The following FUCA2 variants were observed in gnomAD, a reference collection of about 807,000 sequenced individuals.
The protein encoded by FUCA2 is plasma alpha-L-fucosidase.
Under a neutral mutation model 52.6 loss-of-function variants are expected in FUCA2, and 41 were observed. The observed-to-expected ratio is 0.78, with a 90% CI of 0.61 to 1.01. The LOEUF (loss-of-function observed/expected upper bound fraction) is 1.01. FUCA2 is among the 50% of genes least tolerant of loss of function. The pLI is 0.00. For synonymous variants in FUCA2, 211 were observed against 217.3 expected (o/e 0.97, Z 0.26); for missense variants, 507 against 569.5 (o/e 0.89, Z 1.12).
rs949425760 is a variant in FUCA2 at position 143,504,478 on chromosome 6, A to C, written c.413-226T>G. 2 of 531,282 alleles carry C rather than the reference A, an allele frequency of 3.8e-6. No homozygotes were observed. Among genetic ancestry groups the C allele is most frequent in the African/African-American group, 3.8e-5 (2 of 52,578 alleles). 32.9% of individuals were successfully genotyped at this position (531,282 alleles called of 1,614,324 possible). A position where few individuals can be genotyped will look rare whatever the true frequency, so the allele number is the denominator to read the frequency against. ...GGTTTTTAAAAGCAACTTTCAGGGTATATCACTGTACGGTCTGATCTATCT... is the reference window on the plus strand; with the variant it reads ...GGTTTTTAAAAGCAACTTTCAGGGTCTATCACTGTACGGTCTGATCTATCT... On this transcript the variant is annotated intron_variant, in intron 2 of 6. Coordinates refer to ENST00000002165, the MANE Select transcript of FUCA2 (RefSeq NM_032020.5). This position sits in a 1 kb window ranked among gnomAD's most constrained non-coding sequence, Gnocchi z 4.4.
In FUCA2 at chr6:143,497,899, G is replaced by C. The variant is rs1780481088; in HGVS notation, c.1155-402C>G. The stretch of plus-strand genomic sequence containing the variant: ...GTGCCTAGTACTGTGCTCAGTGTTA[G>C]AGTTACAATAAAAAACAAAACACAC... On this transcript the variant is annotated intron_variant, in intron 5 of 6. Transcript: ENST00000002165. The surrounding 1 kb of genome is among the most constrained non-coding windows in gnomAD (Gnocchi z 5.3). 6.6e-6 allele frequency among the ~76,000 whole-genome samples: 1 copy of C among 152,152 alleles called. No homozygotes were observed. Among genetic ancestry groups the C allele is most frequent in the South Asian group, 2.1e-4 (1 of 4,832 alleles).
Position 143,499,077 on chromosome 6 carries a change from T to C in FUCA2, c.1155-1580A>G, listed in dbSNP as rs1453179051. Among the ~76,000 whole-genome samples the C allele has an allele frequency of 6.6e-6, 1 of 152,170 alleles. No homozygotes were observed. The highest frequency in any genetic ancestry group is 1.5e-5 in the Non-Finnish European group (1 of 68,038). On this transcript the variant is annotated intron_variant, in intron 5 of 6. Coordinates refer to ENST00000002165, the MANE Select transcript of FUCA2 (RefSeq NM_032020.5). This position sits in a 1 kb window ranked among gnomAD's most constrained non-coding sequence, Gnocchi z 6.0. ...AAAGACCATGGGTGGAGCTAGTTGATAGCAAAATTTTAAAACTCAGGATTT... is the reference window on the plus strand; with the variant it reads ...AAAGACCATGGGTGGAGCTAGTTGACAGCAAAATTTTAAAACTCAGGATTT...
At chr6:143,506,004 T>C (rs969251196) in intron 2 of FUCA2, 3 of 152,156 alleles carry the variant, frequency 2.0e-5, no homozygotes, top group Non-Finnish European at 4.4e-5. Context: ...GAAATCAGCA[T>C]GTTCTCAAGC....
At chr6:143,508,853 A>T (rs552212203) in intron 1 of FUCA2, among the ~76,000 whole-genome samples, 2 of 152,296 alleles carry the variant, frequency 1.3e-5, no homozygotes, top group South Asian at 2.1e-4. Flanking sequence ...TTGGGTTTAA[A>T]ATCCTTGAAG....
rs1780476155 is a variant in FUCA2, at chr6:143,497,623, G to T, written c.1155-126C>A. The T allele has an allele frequency of 3.5e-6, 2 of 565,436 alleles. No homozygotes were observed. The highest frequency in any genetic ancestry group is 6.2e-6 in the Non-Finnish European group (2 of 322,580). 35.0% of individuals were successfully genotyped at this position (565,436 alleles called of 1,614,324 possible). ...TCCACAATGTCACCACTAATAGAAG[G>T]GAAGGAAAAATAGCCTCATGGTGGT... On this transcript the variant is annotated intron_variant, in intron 5 of 6. Coordinates refer to ENST00000002165, the MANE Select transcript of FUCA2 (RefSeq NM_032020.5). This position sits in a 1 kb window ranked among gnomAD's most constrained non-coding sequence, Gnocchi z 5.3.
chr6:143,509,191 G>C lies in FUCA2; in HGVS notation c.225-1767C>G, dbSNP rs1478147806. Among the ~76,000 whole-genome samples the C allele has an allele frequency of 6.6e-6, 1 of 152,120 alleles. No homozygotes were observed. The highest frequency in any genetic ancestry group is 2.4e-5 in the African/African-American group (1 of 41,416). ...CTGAGAGATGAAAAGAGGCATTTAT[G>C]GTAAAGGTCTATCATTTATATTTGG... On this transcript the variant is annotated intron_variant, in intron 1 of 6. Coordinates refer to ENST00000002165, the MANE Select transcript of FUCA2 (RefSeq NM_032020.5). The surrounding 1 kb of genome is among the most constrained non-coding windows in gnomAD (Gnocchi z 5.4).
rs763182948 is a variant in FUCA2, at chr6:143,511,065, G to A, written c.224+346C>T. Among the ~76,000 whole-genome samples the A allele has an allele frequency of 1.2e-4, 18 of 152,200 alleles. No homozygotes were observed. Among genetic ancestry groups the A allele is most frequent in the Non-Finnish European group, 2.1e-4 (14 of 68,048 alleles). On this transcript the variant is annotated intron_variant, in intron 1 of 6. Coordinates refer to ENST00000002165, the MANE Select transcript of FUCA2 (RefSeq NM_032020.5). The surrounding 1 kb of genome is among the most constrained non-coding windows in gnomAD (Gnocchi z 6.3). The stretch of plus-strand genomic sequence containing the variant: ...GGCCATTGTGCCTGAGTCACCGCTC[G>A]TGTGATGCCCCTGCACAAACTGATG...
chr6:143,505,700 T>G (rs1389766626), intron 2 of FUCA2: 1 of 152,200 alleles, frequency 6.6e-6, no homozygotes, highest in African/African-American at 2.4e-5. Flanking sequence ...AGTGTTGATA[T>G]CTAAAGTCAT....
chr6:143,504,861 A>G lies in FUCA2; in HGVS notation c.413-609T>C, dbSNP rs1412637160. On this transcript the variant is annotated intron_variant, in intron 2 of 6. Transcript: ENST00000002165. This position sits in a 1 kb window ranked among gnomAD's most constrained non-coding sequence, Gnocchi z 4.4. Reference sequence around the variant, plus strand: ...TATTTATTTAACCAGAGGGGCAAAAAAAAACCCCTACTATTCCCAATAGTT... The same window carrying G: ...TATTTATTTAACCAGAGGGGCAAAAGAAAACCCCTACTATTCCCAATAGTT... 3 of 139,132 alleles carry G rather than the reference A, an allele frequency of 2.2e-5. No individual in the cohort carries two copies. Among genetic ancestry groups the G allele is most frequent in the Non-Finnish European group, 4.6e-5 (3 of 65,054 alleles). 8.6% of individuals were successfully genotyped at this position (139,132 alleles called of 1,614,324 possible). A position where few individuals can be genotyped will look rare whatever the true frequency, so the allele number is the denominator to read the frequency against.
rs866796659 is a variant in FUCA2, at chr6:143,511,453, C to A, written c.182G>T (p.Trp61Leu). The A allele has an allele frequency of 6.2e-7, 1 of 1,611,466 alleles. No individual in the cohort carries two copies. Among genetic ancestry groups the A allele is most frequent in the Admixed American group, 1.7e-5 (1 of 59,744 alleles). ...GAAGCTGGGCACGGAAAACACTCCC[C>A]AGTGGATGAAGATGCCGAACTTGGC... ...DQAKFGIFIH[W>L]GVFSVPSFGS... Residue 61 changes from tryptophan to leucine, a missense_variant, in exon 1 of 7, where the codon TGG (tryptophan) becomes TTG (leucine). By Grantham distance (61) the Trp-to-Leu change is moderately conservative. Transcript: ENST00000002165. The surrounding 1 kb of genome is among the most constrained non-coding windows in gnomAD (Gnocchi z 6.3).
At chr6:143,506,123 T>A (rs1780603108) in intron 2 of FUCA2, 1 of 151,706 alleles carries the variant, frequency 6.6e-6, no homozygotes, top group South Asian at 2.1e-4. Flanking sequence ...TCATTCCAGA[T>A]TTTTTGTGTT....
Position 143,501,898 on chromosome 6 carries a change from T to C in FUCA2, c.1154+34A>G. 1 of 1,554,694 alleles carries C rather than the reference T, an allele frequency of 6.4e-7. No homozygotes were observed. The highest frequency in any genetic ancestry group is 8.8e-7 in the Non-Finnish European group (1 of 1,140,498). ...CTGATAAATTTTAAATCTCTTCCTTTATAAAAGAGTACTTGGTAACAAGAA... is the reference window on the plus strand; with the variant it reads ...CTGATAAATTTTAAATCTCTTCCTTCATAAAAGAGTACTTGGTAACAAGAA... On this transcript the variant is annotated intron_variant, in intron 5 of 6. Coordinates refer to ENST00000002165, the MANE Select transcript of FUCA2 (RefSeq NM_032020.5). This position sits in a 1 kb window ranked among gnomAD's most constrained non-coding sequence, Gnocchi z 6.1.
rs150138780 is a variant in FUCA2 at position 143,507,835 on chromosome 6, AT to A, written c.225-412del. On this transcript the variant is annotated intron_variant, in intron 1 of 6. Coordinates refer to ENST00000002165, the MANE Select transcript of FUCA2 (RefSeq NM_032020.5). The surrounding 1 kb of genome is among the most constrained non-coding windows in gnomAD (Gnocchi z 4.5). ...CAGGCACGTGCCACCACACCTGGCT[AT>A]TTTTTTTTTCTTTGTAGAGATGTGG... 4.7e-5 allele frequency among the ~76,000 whole-genome samples: 7 copies of A among 149,156 alleles called. No individual in the cohort carries two copies. Among genetic ancestry groups the A allele is most frequent in the African/African-American group, 9.8e-5 (4 of 40,652 alleles).
In FUCA2 at chr6:143,501,113, C is replaced by G. The variant is rs1780521164; in HGVS notation, c.1154+819G>C. On this transcript the variant is annotated intron_variant, in intron 5 of 6. Coordinates refer to ENST00000002165, the MANE Select transcript of FUCA2 (RefSeq NM_032020.5). This position sits in a 1 kb window ranked among gnomAD's most constrained non-coding sequence, Gnocchi z 6.1. ...AGCAAATTCCAAAACCAGATTTCTA[C>G]TATTCTCTGTCACATGAGAGATTGG... Among the ~76,000 whole-genome samples the G allele has an allele frequency of 6.6e-6, 1 of 152,192 alleles. No homozygotes were observed. The highest frequency in any genetic ancestry group is 1.5e-5 in the Non-Finnish European group (1 of 68,044).
At chr6:143,508,443 C>T (rs748711246) in intron 1 of FUCA2, among the ~76,000 whole-genome samples, 3 of 152,192 alleles carry the variant, frequency 2.0e-5, no homozygotes, top group South Asian at 2.1e-4. Flanking sequence ...TTTCCCAAGA[C>T]GATCAGGAGA....
Position 143,504,215 on chromosome 6 carries a change from C to A in FUCA2, c.450G>T (p.Trp150Cys). The A allele has an allele frequency of 2.5e-6, 4 of 1,614,058 alleles. No individual in the cohort carries two copies. The highest frequency in any genetic ancestry group is 2.5e-6 in the Non-Finnish European group (3 of 1,179,972). ...TCTTGGGCCCCTCATCTATGGCATT[C>A]CAGTTCCACGAATATTCTGACCCCC... ...TLWGSEYSWN[W>C]NAIDEGPKRD... Residue 150 changes from tryptophan (W) to cysteine (C), a missense_variant, in exon 3 of 7, where the codon TGG (tryptophan) becomes TGT (cysteine). Coordinates refer to ENST00000002165, the MANE Select transcript of FUCA2 (RefSeq NM_032020.5). This position sits in a 1 kb window ranked among gnomAD's most constrained non-coding sequence, Gnocchi z 4.4.
rs1001909626 is a variant in FUCA2 at position 143,501,750 on chromosome 6, A to G, written c.1154+182T>C. Among the ~76,000 whole-genome samples the G allele has an allele frequency of 6.6e-6, 1 of 152,262 alleles. No individual in the cohort carries two copies. The highest frequency in any genetic ancestry group is 1.9e-4 in the East Asian group (1 of 5,202). ...GTAAGCTCAATCTGATAAACAATAA[A>G]TGTTTCAAAACATGCAAATTCTTCC... On this transcript the variant is annotated intron_variant, in intron 5 of 6. Coordinates refer to ENST00000002165, the MANE Select transcript of FUCA2 (RefSeq NM_032020.5). The surrounding 1 kb of genome is among the most constrained non-coding windows in gnomAD (Gnocchi z 6.1).
Sources: gnomAD v4.1 joint callset for allele counts (sites outside exome capture counted in the v4.1 genomes callset) on GRCh38, gnomAD v4.1.1 for gene constraint, Gnocchi (gnomAD v3.1) non-coding constraint, MANE v1.5 for transcripts, NCBI Gene and HGNC (gene_info 2026-07-23, HGNC 2026-07-21) for gene names.